RALGPS2: variants seen among roughly 807,000 people sequenced by gnomAD.
The protein encoded by RALGPS2 is ras-specific guanine nucleotide-releasing factor RalGPS2.
In RALGPS2, 43 loss-of-function variants were observed where a neutral mutation model predicts 86.8. That is an observed-to-expected ratio of 0.50 (90% confidence interval 0.39 to 0.64). The LOEUF is 0.64. Among genes scored for constraint, RALGPS2 ranks in the 30% least tolerant of loss-of-function variants. The probability of loss-of-function intolerance (pLI) is 0.00; values close to 1 mark genes in which losing one functional copy is unlikely to be tolerated. For missense variants in RALGPS2, 536 were observed against 694.6 expected (o/e 0.77, Z 2.57); for synonymous variants, 243 against 231.3 (o/e 1.05, Z -0.46).
intron 6 of RALGPS2, among the ~76,000 whole-genome samples, chr1:178,817,060 T>C (rs985842068): frequency 1.3e-5 from 2 of 151,838 alleles, no homozygotes; most frequent in Admixed American, 6.6e-5. Context: ...TCATTTTTTT[T>C]CCTCATAATA....
At chr1:178,855,069 T>G (rs1300060453) in intron 8 of RALGPS2, among the ~76,000 whole-genome samples, 1 of 152,110 alleles carries the variant, frequency 6.6e-6, no homozygotes, top group East Asian at 1.9e-4. Context: ...TATGTGAGAG[T>G]TTAGTCAAGT....
intron 8 of RALGPS2, among the ~76,000 whole-genome samples, chr1:178,856,312 C>T (rs1158335449): frequency 2.1e-5 from 3 of 142,652 alleles, no homozygotes; most frequent in Admixed American, 7.1e-5. Context: ...ACCACAGCCT[C>T]GAACTTCTGG....
intron 1 of RALGPS2, among the ~76,000 whole-genome samples, chr1:178,731,183 G>C (rs994105183): frequency 6.7e-6 from 1 of 150,230 alleles, no homozygotes; most frequent in Non-Finnish European, 1.5e-5. Flanking sequence ...TTGACACCTG[G>C]TTGATAATAT....
Position 178,820,053 on chromosome 1 carries a change from T to A in RALGPS2, c.388-1559T>A, listed in dbSNP as rs535909947. Among the ~76,000 whole-genome samples, 9 of 152,318 alleles carry A rather than the reference T, an allele frequency of 5.9e-5. No individual in the cohort carries two copies. The South Asian group carries it at 1.7e-3, about 28-fold the overall frequency. On this transcript the variant is annotated intron_variant, in intron 6 of 19. Transcript: ENST00000367635. ...TATGCTCATCACAATCACCTCCACC[T>A]CCTGCTTATGTAATACCTTGAAATC...
At chr1:178,764,481 G>T (rs191051507) in intron 1 of RALGPS2, among the ~76,000 whole-genome samples, 1 of 152,260 alleles carries the variant, frequency 6.6e-6, no homozygotes, top group East Asian at 1.9e-4. Flanking sequence ...TAAGTATTGC[G>T]ATGTGTGGAT....
At chr1:178,770,507 C>CTT (rs747336558) in intron 1 of RALGPS2, among the ~76,000 whole-genome samples, 24 of 136,202 alleles carry the variant, frequency 1.8e-4, no homozygotes, top group Admixed American at 2.2e-4. Context: ...ATACTTCATA[C>CTT]TTTTTTTTTT....
chr1:178,796,156 A>G (rs1226485635), intron 4 of RALGPS2, among the ~76,000 whole-genome samples: 4 of 152,190 alleles, frequency 2.6e-5, no homozygotes, highest in African/African-American at 7.2e-5. Flanking sequence ...GTAGGTGTAT[A>G]TGACATCAGA....
At chr1:178,890,905 T>C (rs758566728) in intron 14 of RALGPS2, among the ~76,000 whole-genome samples, 4 of 152,064 alleles carry the variant, frequency 2.6e-5, no homozygotes, top group Admixed American at 1.3e-4. Flanking sequence ...AACACAAGAA[T>C]TGCCTTTGAC....
chr1:178,816,947 AT>A lies in RALGPS2; in HGVS notation c.388-4664del, dbSNP rs779646930. On this transcript the variant is annotated intron_variant, in intron 6 of 19. Coordinates refer to ENST00000367635, the MANE Select transcript of RALGPS2 (RefSeq NM_152663.5). ...TGGTCTCGAACTCCTGACTCAGGTG[AT>A]CCACCCACCTCGGCATCCCAAAGTC... Among the ~76,000 whole-genome samples, 11 of 151,904 alleles carry A rather than the reference AT, an allele frequency of 7.2e-5. No homozygotes were observed. In the South Asian group the frequency reaches 1.5e-3, roughly 20 times the overall value.
intron 8 of RALGPS2, chr1:178,853,236 C>CT (rs1317281034): frequency 1.0e-6 from 1 of 978,352 alleles, no homozygotes; most frequent in Admixed American, 6.2e-5. Flanking sequence ...TCCATAGCTA[C>CT]TAAAAATATT....
At chr1:178,852,887 G>C in intron 8 of RALGPS2, 2 of 1,613,680 alleles carry the variant, frequency 1.2e-6, no homozygotes, top group Non-Finnish European at 1.7e-6. Flanking sequence ...TAATTATCTT[G>C]ATTGCTAAGC....
chr1:178,902,731 T>C (rs1027108676), intron 18 of RALGPS2, among the ~76,000 whole-genome samples: 1 of 152,128 alleles, frequency 6.6e-6, no homozygotes, highest in African/African-American at 2.4e-5. Context: ...TCCACACAGA[T>C]CTAGAGATGC....
intron 19 of RALGPS2, among the ~76,000 whole-genome samples, chr1:178,908,624 G>A (rs1040660076): frequency 6.6e-6 from 1 of 152,112 alleles, no homozygotes; most frequent in African/African-American, 2.4e-5. Flanking sequence ...GGTGTGAGAT[G>A]GTATCTCATT....
chr1:178,756,518 T>C (rs568833796), intron 1 of RALGPS2, among the ~76,000 whole-genome samples: 3 of 152,258 alleles, frequency 2.0e-5, no homozygotes, highest in Non-Finnish European at 4.4e-5. Flanking sequence ...GGTCTGTATG[T>C]CTGTTTTGTA....
chr1:178,883,848 G>C (rs1218436656), intron 11 of RALGPS2, among the ~76,000 whole-genome samples: 1 of 152,134 alleles, frequency 6.6e-6, no homozygotes, highest in Non-Finnish European at 1.5e-5. Context: ...AATTAGCCGG[G>C]TGTGGTGGCG....
intron 17 of RALGPS2, among the ~76,000 whole-genome samples, chr1:178,898,772 C>T (rs1480634286): frequency 6.6e-6 from 1 of 151,844 alleles, no homozygotes; most frequent in Non-Finnish European, 1.5e-5. Context: ...TAAGATAGCT[C>T]TTGCATTGAG....
intron 14 of RALGPS2, among the ~76,000 whole-genome samples, chr1:178,891,064 A>G (rs1343133542): frequency 6.6e-6 from 1 of 152,096 alleles, no homozygotes; most frequent in Non-Finnish European, 1.5e-5. Flanking sequence ...ATGACTAACC[A>G]GAATGGTGGT....
At chr1:178,770,219 A>G (rs940911147) in intron 1 of RALGPS2, among the ~76,000 whole-genome samples, 2 of 151,688 alleles carry the variant, frequency 1.3e-5, no homozygotes, top group East Asian at 1.9e-4. Flanking sequence ...GGATTTTACC[A>G]TGTCACCCAG....
chr1:178,754,509 A>G (rs1651854152), intron 1 of RALGPS2, among the ~76,000 whole-genome samples: 1 of 152,140 alleles, frequency 6.6e-6, no homozygotes, highest in Non-Finnish European at 1.5e-5. Flanking sequence ...AGGGAGGAAA[A>G]CACCAATGTT....
Sources: gnomAD v4.1 joint callset for allele counts (sites outside exome capture counted in the v4.1 genomes callset) on GRCh38, gnomAD v4.1.1 for gene constraint, MANE v1.5 for transcripts, NCBI Gene and HGNC (gene_info 2026-07-23, HGNC 2026-07-21) for gene names.